Variants in GALNT13 observed in about 807,000 individuals in gnomAD.
The protein encoded by GALNT13 is polypeptide N-acetylgalactosaminyltransferase 13.
Under a neutral mutation model 64.2 loss-of-function variants are expected in GALNT13, and 28 were observed. That is an observed-to-expected ratio of 0.44 (90% CI 0.32 to 0.60). The LOEUF is 0.60. GALNT13 is among the 20% of genes least tolerant of loss of function. The pLI, the probability that GALNT13 is intolerant of heterozygous loss-of-function variation, is 0.05. For synonymous variants in GALNT13, 214 were observed against 224.6 expected (o/e 0.95, Z 0.42); for missense variants, 577 against 669.8 (o/e 0.86, Z 1.53).
chr2:153,653,004 A>G, the GALNT13 span, among the ~76,000 whole-genome samples: 6 of 152,264 alleles, frequency 3.9e-5, no homozygotes, highest in Admixed American at 1.3e-4. Flanking sequence ...ACATACATAT[A>G]TGTATATGAA....
chr2:153,708,035 A>C, the GALNT13 span, among the ~76,000 whole-genome samples: 1 of 152,132 alleles, frequency 6.6e-6, no homozygotes, highest in Admixed American at 6.5e-5. Context: ...CATCATGTTA[A>C]AACGGATCTT....
the GALNT13 span, among the ~76,000 whole-genome samples, chr2:153,466,134 C>T: frequency 3.3e-5 from 5 of 152,082 alleles, no homozygotes; most frequent in African/African-American, 1.2e-4. Context: ...GCATGGTCAT[C>T]CAGTATCAGA....
chr2:153,787,236 G>C, the GALNT13 span, among the ~76,000 whole-genome samples: 1 of 152,072 alleles, frequency 6.6e-6, no homozygotes, highest in African/African-American at 2.4e-5. Flanking sequence ...CAAATGTGAG[G>C]AAATATAGGG....
chr2:153,443,978 T>G, the GALNT13 span, among the ~76,000 whole-genome samples: 1 of 152,172 alleles, frequency 6.6e-6, no homozygotes, highest in East Asian at 1.9e-4. Context: ...TTATGTTAGA[T>G]TTCTTGTGCT....
At chr2:154,086,665 T>A (rs1701544007) in intron 3 of GALNT13, among the ~76,000 whole-genome samples, 1 of 151,986 alleles carries the variant, frequency 6.6e-6, no homozygotes, top group African/African-American at 2.4e-5. Context: ...AAATCATAGG[T>A]CAGCTATTAG....
chr2:153,186,659 T>G, the GALNT13 span, among the ~76,000 whole-genome samples: 7 of 151,980 alleles, frequency 4.6e-5, no homozygotes, highest in Non-Finnish European at 1.0e-4. Flanking sequence ...AACCACCTCC[T>G]GAGTTCAAGT....
chr2:154,112,308 A>G (rs965209209), intron 3 of GALNT13, among the ~76,000 whole-genome samples: 3 of 152,182 alleles, frequency 2.0e-5, no homozygotes, highest in Admixed American at 6.5e-5. Context: ...ACCTGCCACC[A>G]TGGCCACTTT....
At chr2:154,160,513 A>C (rs1363126868) in intron 4 of GALNT13, among the ~76,000 whole-genome samples, 1 of 151,958 alleles carries the variant, frequency 6.6e-6, no homozygotes, top group African/African-American at 2.4e-5. Flanking sequence ...ACTTTTCCCT[A>C]CTCAGCCCTT....
chr2:154,061,752 T>A (rs1298740979), intron 3 of GALNT13, among the ~76,000 whole-genome samples: 1 of 151,652 alleles, frequency 6.6e-6, no homozygotes, highest in African/African-American at 2.4e-5. Context: ...GGAATTTTTT[T>A]ATTTCCATTT....
chr2:154,199,356 T>C (rs976270743), intron 4 of GALNT13, among the ~76,000 whole-genome samples: 1 of 151,986 alleles, frequency 6.6e-6, no homozygotes, highest in Non-Finnish European at 1.5e-5. Flanking sequence ...GCAAAAAATG[T>C]TTTAGGTTTA....
chr2:153,289,414 G>A, the GALNT13 span, among the ~76,000 whole-genome samples: 1 of 152,162 alleles, frequency 6.6e-6, no homozygotes, highest in African/African-American at 2.4e-5. Context: ...GCACCTATTT[G>A]GAATGGTAAT....
the GALNT13 span, among the ~76,000 whole-genome samples, chr2:153,630,810 T>TA: frequency 0.13 from 3,815 of 29,168 alleles, 229 homozygotes; most frequent in South Asian, 0.22. Context: ...TATATATATT[T>TA]TTTTTTTTTT....
intron 4 of GALNT13, among the ~76,000 whole-genome samples, chr2:154,170,914 G>T (rs1404140185): frequency 6.6e-6 from 1 of 152,206 alleles, no homozygotes; most frequent in Non-Finnish European, 1.5e-5. Context: ...AACTTGGGTA[G>T]TTTGCTGGAG....
At chr2:153,381,210 G>T in the GALNT13 span, among the ~76,000 whole-genome samples, 415 of 152,172 alleles carry the variant, frequency 2.7e-3, 2 homozygotes, top group African/African-American at 9.2e-3. Context: ...TCCTCCCGAA[G>T]TGCTGGGATT....
intron 3 of GALNT13, among the ~76,000 whole-genome samples, chr2:154,010,096 T>C (rs546803939): frequency 1.0e-3 from 153 of 152,312 alleles, no homozygotes; most frequent in African/African-American, 3.4e-3. Context: ...TATGAAATCA[T>C]ATAGTTGTGA....
chr2:153,770,058 G>A, the GALNT13 span, among the ~76,000 whole-genome samples: 1 of 151,952 alleles, frequency 6.6e-6, no homozygotes, highest in Non-Finnish European at 1.5e-5. Flanking sequence ...TTTTTATGTG[G>A]TATTTCAAAC....
chr2:153,262,836 C>A, the GALNT13 span, among the ~76,000 whole-genome samples: 5 of 151,972 alleles, frequency 3.3e-5, no homozygotes, highest in Admixed American at 1.3e-4. Context: ...AAACCCAGAA[C>A]AAATATCATA....
At chr2:153,307,840 A>G in the GALNT13 span, among the ~76,000 whole-genome samples, 2 of 152,144 alleles carry the variant, frequency 1.3e-5, no homozygotes, top group South Asian at 4.1e-4. Context: ...AAGATCAGGG[A>G]CCTATCTCAA....
the GALNT13 span, among the ~76,000 whole-genome samples, chr2:153,379,382 T>C: frequency 6.6e-6 from 1 of 152,126 alleles, no homozygotes; most frequent in Non-Finnish European, 1.5e-5. Context: ...GACCCTACAT[T>C]TTCTAAGAAC....
Sources: allele counts gnomAD v4.1 joint callset (sites outside exome capture counted in the v4.1 genomes callset), GRCh38; gene constraint gnomAD v4.1.1; transcripts MANE v1.5; gene names NCBI Gene and HGNC (gene_info 2026-07-23, HGNC 2026-07-21).